The following KLF8 variants were observed in gnomAD, a reference collection of about 807,000 sequenced individuals.
KLF8 encodes the protein Krueppel-like factor 8.
In KLF8, 10 loss-of-function variants were observed where a neutral mutation model predicts 18.2. The ratio of observed to expected loss-of-function variants is 0.55; its 90% CI spans 0.34 to 0.93. KLF8 has a LOEUF of 0.93. KLF8 is among the 40% of genes least tolerant of loss of function. KLF8 has a pLI of 0.02. For missense variants in KLF8, 264 were observed against 277.9 expected (o/e 0.95, Z 0.36); for synonymous variants, 109 against 97.3 (o/e 1.12, Z -0.71).
chrX:55,951,472 C>T, the KLF8 span, among the ~76,000 whole-genome samples: 3 of 100,988 alleles, frequency 3.0e-5, no homozygotes, highest in Non-Finnish European at 6.0e-5. Context: ...AAGCAAAACT[C>T]CGTCTCAAAA....
At chrX:56,074,054 T>A in the KLF8 span, among the ~76,000 whole-genome samples, 1 of 112,023 alleles carries the variant, frequency 8.9e-6, no homozygotes, top group Non-Finnish European at 1.9e-5. Context: ...GGCAGTGATG[T>A]TTAACATTTG....
At chrX:56,184,339 C>T in the KLF8 span, among the ~76,000 whole-genome samples, 17 of 112,165 alleles carry the variant, frequency 1.5e-4, no homozygotes, top group Non-Finnish European at 2.4e-4. Flanking sequence ...CGCCATTGCC[C>T]GGGCTTGCTT....
chrX:55,995,288 G>A, the KLF8 span, among the ~76,000 whole-genome samples: 1 of 112,411 alleles, frequency 8.9e-6, no homozygotes, highest in Non-Finnish European at 1.9e-5. Flanking sequence ...GTCATTGCAT[G>A]TTAGACGAGT....
chrX:56,155,140 A>G, the KLF8 span, among the ~76,000 whole-genome samples: 1 of 111,681 alleles, frequency 9.0e-6, no homozygotes, highest in Non-Finnish European at 1.9e-5. Flanking sequence ...ATGCTGCTAT[A>G]AAGACACATG....
chrX:56,068,764 C>A, the KLF8 span, among the ~76,000 whole-genome samples: 2 of 110,965 alleles, frequency 1.8e-5, no homozygotes, highest in African/African-American at 6.6e-5. Context: ...AGCAGCCCCG[C>A]TTCTGCGTGA....
At chrX:56,236,397 G>A (rs1352553487) in intron 1 of KLF8, among the ~76,000 whole-genome samples, 1 of 111,744 alleles carries the variant, frequency 8.9e-6, no homozygotes, top group Non-Finnish European at 1.9e-5. Context: ...CTTAGAAGGC[G>A]GCATGAAAGT....
chrX:56,276,311 G>A (rs1222464977), intron 5 of KLF8, among the ~76,000 whole-genome samples: 4 of 111,107 alleles, frequency 3.6e-5, no homozygotes, highest in African/African-American at 1.3e-4. Flanking sequence ...TCCTGATTCT[G>A]TGTTTTTCCT....
chrX:56,190,141 T>C, the KLF8 span, among the ~76,000 whole-genome samples: 8 of 111,703 alleles, frequency 7.2e-5, no homozygotes, highest in African/African-American at 1.6e-4. Context: ...TGGAAAATTA[T>C]ATTGCATGCC....
In KLF8 at chrX:56,289,171, C is replaced by T. The variant is rs2067298405; in HGVS notation, c.*4677C>T. ...TACTTCGAGTTATAATCTAATACTA[C>T]TACTTTATTTTATTGCTCGAATTGT... On this transcript the variant is annotated 3_prime_UTR_variant, in exon 6 of 6. Transcript: ENST00000468660. Among the ~76,000 whole-genome samples the T allele has an allele frequency of 8.9e-6, 1 of 111,970 alleles. No homozygotes were observed. Among genetic ancestry groups the T allele is most frequent in the African/African-American group, 3.2e-5 (1 of 30,876 alleles).
At chrX:56,124,424 T>G in the KLF8 span, among the ~76,000 whole-genome samples, 1 of 112,288 alleles carries the variant, frequency 8.9e-6, no homozygotes, top group Non-Finnish European at 1.9e-5. Context: ...GCAAACAAAC[T>G]GGCTTCAGTG....
the KLF8 span, among the ~76,000 whole-genome samples, chrX:56,136,011 G>A: frequency 9.0e-6 from 1 of 111,471 alleles, no homozygotes; most frequent in Non-Finnish European, 1.9e-5. Flanking sequence ...TTGCTTCAAA[G>A]AGAATAAAAT....
chrX:56,125,792 C>T, the KLF8 span, among the ~76,000 whole-genome samples: 1 of 111,816 alleles, frequency 8.9e-6, no homozygotes, highest in Non-Finnish European at 1.9e-5. Context: ...CTCTCTGGCA[C>T]TTACCAGTGC....
chrX:56,192,555 T>C, the KLF8 span, among the ~76,000 whole-genome samples: 113 of 112,007 alleles, frequency 1.0e-3, no homozygotes, highest in African/African-American at 3.5e-3. Flanking sequence ...TCATAATACC[T>C]GACTACAAAT....
the KLF8 span, among the ~76,000 whole-genome samples, chrX:56,182,847 G>A: frequency 2.9e-4 from 33 of 112,142 alleles, no homozygotes; most frequent in Middle Eastern, 4.6e-3. Context: ...TCTCAGAGTG[G>A]CACCTGGCTG....
chrX:56,094,668 A>G, the KLF8 span, among the ~76,000 whole-genome samples: 1 of 111,379 alleles, frequency 9.0e-6, no homozygotes, highest in African/African-American at 3.3e-5. Flanking sequence ...ATATTCTGCT[A>G]AAATGCACAT....
intron 5 of KLF8, 46 bp downstream of exon 5, chrX:56,270,367 CACACACACACACACGAGA>C: frequency 9.5e-7 from 1 of 1,050,350 alleles, no homozygotes; most frequent in African/African-American, 2.3e-5. Context: ...CACACACACA[CACACACACACACACGAGA>C]GAGAGAGAGA....
chrX:56,184,381 G>T, the KLF8 span, among the ~76,000 whole-genome samples: 1 of 112,573 alleles, frequency 8.9e-6, no homozygotes, highest in East Asian at 2.8e-4. Flanking sequence ...AGCTCGAACT[G>T]GGTGGAGCCC....
the KLF8 span, among the ~76,000 whole-genome samples, chrX:56,068,802 T>A: frequency 7.1e-3 from 788 of 111,706 alleles, 8 homozygotes; most frequent in African/African-American, 0.024. Context: ...AGCTTCATGT[T>A]GTCCCATGAA....
chrX:56,265,108 T>G (rs1251204753), intron 2 of KLF8, 72 bp from the exon 3 acceptor site: 20 of 1,074,424 alleles, frequency 1.9e-5, no homozygotes, highest in Non-Finnish European at 2.4e-5. Flanking sequence ...GATTTCTTTT[T>G]TACATTGCTT....
Sources: allele counts gnomAD v4.1 joint callset (sites outside exome capture counted in the v4.1 genomes callset), GRCh38; gene constraint gnomAD v4.1.1; transcripts MANE v1.5; gene names NCBI Gene and HGNC (gene_info 2026-07-23, HGNC 2026-07-21).